NCAPD3: variants seen among roughly 807,000 people sequenced by gnomAD.
NCAPD3 encodes condensin-2 complex subunit D3.
NCAPD3 carries 105 observed loss-of-function variants against 182.9 expected under a neutral mutation model. That is an observed-to-expected ratio of 0.57 (90% CI 0.49 to 0.68). The LOEUF (loss-of-function observed/expected upper bound fraction) is 0.68, where lower values mean the gene tolerates loss of function less well. NCAPD3 is among the 30% of genes least tolerant of loss of function. NCAPD3 has a pLI of 0.00. For synonymous variants in NCAPD3, 815 were observed against 679.9 expected, an observed-to-expected ratio of 1.20 and a Z score of -3.09; for missense variants, 1,944 against 1,837.0, an observed-to-expected ratio of 1.06 and a Z score of -1.07.
At position 134,160,121 on chromosome 11, in the gene NCAPD3, C is replaced by T. The variant is rs374854941; in HGVS notation, c.3685-47G>A. The T allele has an allele frequency of 2.6e-5, 41 of 1,595,248 alleles. No homozygotes were observed. In the East Asian group the frequency reaches 2.7e-4, roughly 10 times the overall value. ...CCTTTCATGTTTTCTTGAATAAAAA[C>T]GTAAAGCCCTAAACCCCCACGACAC... is the stretch of plus-strand genomic sequence containing the variant. On this transcript the variant is annotated intron_variant, in intron 28 of 34. Transcript: ENST00000534548.
intron 16 of NCAPD3, among the ~76,000 whole-genome samples, chr11:134,189,041 C>T (rs867688927): frequency 6.6e-6 from 1 of 152,066 alleles, no homozygotes; most frequent in African/African-American, 2.4e-5. Context: ...TATGGTGGCC[C>T]TGGCAAATTA....
intron 13 of NCAPD3, among the ~76,000 whole-genome samples, chr11:134,201,635 T>C (rs1944751058): frequency 6.6e-6 from 1 of 152,218 alleles, no homozygotes; most frequent in African/African-American, 2.4e-5. Context: ...TTATGAACAA[T>C]GCACTGGAAA....
At chr11:134,223,394 C>T in intron 1 of NCAPD3, 1 of 702,208 alleles carries the variant, frequency 1.4e-6, no homozygotes. Context: ...GGGTTGGTGG[C>T]TTGGATGGTG....
intron 27 of NCAPD3, among the ~76,000 whole-genome samples, chr11:134,164,906 G>A (rs1565523062): frequency 6.6e-6 from 1 of 151,284 alleles, no homozygotes; most frequent in African/African-American, 2.4e-5. Context: ...AGGGGGAGCT[G>A]CACACTCACT....
chr11:134,158,602 A>C (rs1832186150), intron 29 of NCAPD3, 107 bp from the exon 30 acceptor site: 1 of 1,193,710 alleles, frequency 8.4e-7, no homozygotes, highest in Non-Finnish European at 1.2e-6. Context: ...ATTTTGATAC[A>C]TGTGGACAAC....
At chr11:134,170,538 TCC>T (rs1201986761) in intron 24 of NCAPD3, among the ~76,000 whole-genome samples, 3 of 152,244 alleles carry the variant, frequency 2.0e-5, no homozygotes, top group Admixed American at 2.0e-4. Flanking sequence ...GTGAACTTTC[TCC>T]TCAGAAATGA....
chr11:134,223,910 C>A lies in NCAPD3; in HGVS notation c.17G>T (p.Gly6Val), dbSNP rs376811282. 4.3e-6 allele frequency: 7 copies of A among 1,612,704 alleles called. No individual in the cohort carries two copies. Among genetic ancestry groups the A allele is most frequent in the Non-Finnish European group, 5.1e-6 (6 of 1,179,830 alleles). MVALR[G>V]LGSGLQPWCP... is the part of the protein sequence containing the mutation. ...CCAGGGCTGCAGGCCGCTACCAAGG[C>A]CCCGCAACGCCACCATGATCCCAGG... Residue 6 changes from glycine (G) to valine (V), a missense_variant, in exon 1 of 35, where the codon GGC (glycine) becomes GTC (valine). Coordinates refer to ENST00000534548, the MANE Select transcript of NCAPD3 (RefSeq NM_015261.3).
intron 2 of NCAPD3, among the ~76,000 whole-genome samples, chr11:134,219,099 C>T (rs748735086): frequency 2.6e-5 from 4 of 152,196 alleles, no homozygotes; most frequent in Non-Finnish European, 4.4e-5. Context: ...CTTACCATCC[C>T]GTTCCACCAC....
chr11:134,186,468 C>T (rs1378994247), intron 16 of NCAPD3, among the ~76,000 whole-genome samples: 1 of 152,214 alleles, frequency 6.6e-6, no homozygotes, highest in African/African-American at 2.4e-5. Context: ...CTGTCTTGGC[C>T]TTCCAAAGTA....
intron 19 of NCAPD3, among the ~76,000 whole-genome samples, chr11:134,183,983 G>A (rs1450827886): frequency 6.6e-6 from 1 of 152,038 alleles, no homozygotes; most frequent in Non-Finnish European, 1.5e-5. Flanking sequence ...CATTATGATT[G>A]GTACTAAGAG....
rs1002082022 is a variant in NCAPD3, at chr11:134,208,889, G to C, written c.857C>G (p.Ser286Cys). The C allele has an allele frequency of 6.2e-7, 1 of 1,612,770 alleles. No homozygotes were observed. The change falls in exon 7 of 35, where the codon TCT becomes TGT. Residue 286 changes from serine to cysteine, a missense_variant. Physicochemically the swap from Ser to Cys is moderately radical, Grantham distance 112. Transcript: ENST00000534548. Reference sequence around the variant, plus strand: ...CTTATCTCCTTCTCCATGAATGGGAGAGCACAGCAAATACAATCCATAATA... The same window carrying C: ...CTTATCTCCTTCTCCATGAATGGGACAGCACAGCAAATACAATCCATAATA... Reference protein sequence around the residue: ...LAYYGLYLLCSPIHGEGDKVI... With the variant: ...LAYYGLYLLCCPIHGEGDKVI...
chr11:134,158,569 A>G lies in NCAPD3; in HGVS notation c.3868-74T>C. On this transcript the variant is annotated intron_variant, in intron 29 of 34. Transcript: ENST00000534548. Reference sequence around the variant, plus strand: ...TCAAAAACGGATATATGATAGTTGTACATGGTTGGGGGTCCATATGAGATT... The same window carrying G: ...TCAAAAACGGATATATGATAGTTGTGCATGGTTGGGGGTCCATATGAGATT... 2.0e-6 allele frequency: 3 copies of G among 1,481,186 alleles called. No homozygotes were observed. The South Asian group carries it at 3.7e-5, about 18-fold the overall frequency. 91.8% of individuals were successfully genotyped at this position (1,481,186 alleles called of 1,614,324 possible).
At position 134,176,357 on chromosome 11, in the gene NCAPD3, C is replaced by G. The variant is rs1481595280; in HGVS notation, c.3051G>C (p.Leu1017=). The G allele has an allele frequency of 2.5e-6, 4 of 1,613,892 alleles. No homozygotes were observed. The highest frequency in any genetic ancestry group is 3.4e-6 in the Non-Finnish European group (4 of 1,179,966). The change falls in exon 24 of 35, where the codon CTG becomes CTC. Residue 1017 remains leucine (L), a synonymous_variant. Transcript: ENST00000534548. ...QEEFVKWKGS[L]FFRFVSTLID... ...TCAGAGTGCTGACAAATCGGAAGAA[C>G]AGGGAGCCCTTCCATTTCACAAATT...
chr11:134,178,782 A>G, intron 21 of NCAPD3, 40 bp downstream of exon 21: 1 of 1,608,600 alleles, frequency 6.2e-7, no homozygotes, highest in African/African-American at 1.3e-5. Context: ...GAACCTTGAA[A>G]CGGCATGCGT....
At chr11:134,224,292 C>T (rs1047819759), upstream of NCAPD3, 3 of 335,650 alleles carry the variant, frequency 8.9e-6, no homozygotes, top group Non-Finnish European at 1.7e-5. Flanking sequence ...GTCACCTTTG[C>T]CCTCGTCAGG....
intron 22 of NCAPD3, chr11:134,177,727 T>A (rs771650446): frequency 9.1e-6 from 4 of 438,244 alleles, no homozygotes; most frequent in Non-Finnish European, 1.6e-5. Context: ...AAAGTCAACA[T>A]TTGAATTTCG....
chr11:134,173,994 C>T (rs1048447693), intron 24 of NCAPD3, among the ~76,000 whole-genome samples: 1 of 150,666 alleles, frequency 6.6e-6, no homozygotes, highest in African/African-American at 2.4e-5. Context: ...AAAAACAAAA[C>T]AAAAACAAAA....
In NCAPD3 at chr11:134,192,861, C is replaced by A; in HGVS notation, c.1873G>T (p.Val625Phe). 1 of 1,613,940 alleles carries A rather than the reference C, an allele frequency of 6.2e-7. No homozygotes were observed. The highest frequency in any genetic ancestry group is 8.5e-7 in the Non-Finnish European group (1 of 1,179,878). ...CTCTCGCAGTCCATCACCACCGGGACCACCCCCCGCAACCAGGCTTTCTGG... is the reference window on the plus strand; with the variant it reads ...CTCTCGCAGTCCATCACCACCGGGAACACCCCCCGCAACCAGGCTTTCTGG... Reference protein sequence around the residue: ...QIQKAWLRGVVPVVMDCESTV... With the variant: ...QIQKAWLRGVFPVVMDCESTV... The change falls in exon 16 of 35, where the codon GTC (valine) becomes TTC (phenylalanine). Residue 625 changes from valine to phenylalanine, a missense_variant. By Grantham distance (50) the Val-to-Phe change is conservative. Around this residue, in one of 3 missense-constraint regions of NCAPD3, gnomAD observed 1,803 missense variants for 1,674.6 expected, o/e 1.08. Coordinates refer to ENST00000534548, the MANE Select transcript of NCAPD3 (RefSeq NM_015261.3).
chr11:134,174,440 T>C (rs957662172), intron 24 of NCAPD3, among the ~76,000 whole-genome samples: 11 of 135,574 alleles, frequency 8.1e-5, no homozygotes, highest in Admixed American at 2.9e-4. Flanking sequence ...ACATAGCAGA[T>C]AGGCGTAGCC....
Sources: gnomAD v4.1 joint callset for allele counts (sites outside exome capture counted in the v4.1 genomes callset) on GRCh38, gnomAD v4.1.1 for gene constraint, gnomAD v4.1.1 regional missense constraint, MANE v1.5 for transcripts, NCBI Gene and HGNC (gene_info 2026-07-23, HGNC 2026-07-21) for gene names.